Variants in ATP2B4 observed in about 807,000 individuals in gnomAD.
ATP2B4 encodes the protein plasma membrane calcium-transporting ATPase 4.
Under a neutral mutation model 110.3 loss-of-function variants are expected in ATP2B4, and 39 were observed. The ratio of observed to expected loss-of-function variants is 0.35; its 90% CI spans 0.27 to 0.46. The LOEUF (loss-of-function observed/expected upper bound fraction) is 0.46, where lower values mean the gene tolerates loss of function less well. Among genes scored for constraint, ATP2B4 ranks in the 20% least tolerant of loss-of-function variants. The pLI, the probability that ATP2B4 is intolerant of heterozygous loss-of-function variation, is 1.00. For missense variants in ATP2B4, 1,135 were observed against 1,530.9 expected (o/e 0.74, Z 4.32); for synonymous variants, 538 against 571.7 (o/e 0.94, Z 0.84).
At chr1:203,677,959 G>A (rs1051754364) in intron 1 of ATP2B4, among the ~76,000 whole-genome samples, 4 of 152,212 alleles carry the variant, frequency 2.6e-5, no homozygotes, top group Non-Finnish European at 5.9e-5. Flanking sequence ...GGACAGAGTA[G>A]GGCAGGGCAG....
intron 2 of ATP2B4, among the ~76,000 whole-genome samples, chr1:203,695,222 C>T (rs987493155): frequency 6.6e-6 from 1 of 152,214 alleles, no homozygotes; most frequent in African/African-American, 2.4e-5. Context: ...ACCAGCACTC[C>T]TGCCAGCAAG....
intron 1 of ATP2B4, among the ~76,000 whole-genome samples, chr1:203,658,126 AC>A (rs1234863002): frequency 1.3e-5 from 2 of 152,306 alleles, no homozygotes; most frequent in East Asian, 3.9e-4. Context: ...AGAAACCAAA[AC>A]AATAATAAAT....
At chr1:203,654,882 G>A (rs1207982188) in intron 1 of ATP2B4, among the ~76,000 whole-genome samples, 3 of 117,470 alleles carry the variant, frequency 2.6e-5, no homozygotes, top group Admixed American at 9.9e-5. Context: ...GTGAGACCTC[G>A]TCTGGAAAAA....
At chr1:203,654,756 G>A (rs1334104106) in intron 1 of ATP2B4, among the ~76,000 whole-genome samples, 1 of 152,114 alleles carries the variant, frequency 6.6e-6, no homozygotes, top group African/African-American at 2.4e-5. Flanking sequence ...GCATGGTGGT[G>A]TGCTCTTGTG....
At chr1:203,718,164 C>T (rs1666213590) in intron 15 of ATP2B4, among the ~76,000 whole-genome samples, 1 of 152,010 alleles carries the variant, frequency 6.6e-6, no homozygotes, top group Non-Finnish European at 1.5e-5. Flanking sequence ...TTCTGTTTTT[C>T]ATTTACTTTT....
At chr1:203,712,375 A>G (rs12407860) in intron 13 of ATP2B4, among the ~76,000 whole-genome samples, 79,809 of 151,888 alleles carry the variant, frequency 0.53, 22,329 homozygotes, top group East Asian at 0.82. Flanking sequence ...GGTGGATCAC[A>G]AGGTCAAGAG....
At chr1:203,657,418 A>G in intron 1 of ATP2B4, 3 of 766,870 alleles carry the variant, frequency 3.9e-6, no homozygotes, top group Non-Finnish European at 7.2e-6. Flanking sequence ...TTCTCTTTTC[A>G]TTTCTGTTTA....
rs767342392 is a variant in ATP2B4 at position 203,722,624 on chromosome 1, G to A, written c.2959G>A (p.Val987Ile). 2.6e-5 allele frequency: 42 copies of A among 1,614,068 alleles called. No individual in the cohort carries two copies. The Admixed American group carries it at 2.8e-4, about 11-fold the overall frequency. The change falls in exon 18 of 21, where the codon GTC becomes ATC. Residue 987 changes from valine to isoleucine, a missense_variant. This residue lies in a region of ATP2B4 where 155 missense variants were observed against 186.2 expected (regional missense o/e 0.83). Coordinates refer to ENST00000357681, the MANE Select transcript of ATP2B4 (RefSeq NM_001684.5). ...NSRKIHGEKN[V>I]FSGIYRNIIF... ...CCGAAAGATCCATGGAGAGAAGAAC[G>A]TCTTTTCAGGCATCTACCGCAACAT...
Position 203,727,730 on chromosome 1 carries a change from A to G in ATP2B4, c.3309+159A>G, listed in dbSNP as rs1007866751. ...TCCTCAGCTTCAGGACAGACACGCA[A>G]AAGGATCTGTGTGGGGTCCTCTGAG... On this transcript the variant is annotated intron_variant, in intron 20 of 20. Coordinates refer to ENST00000357681, the MANE Select transcript of ATP2B4 (RefSeq NM_001684.5). 4.7e-6 allele frequency: 4 copies of G among 852,250 alleles called. No individual in the cohort carries two copies. The African/African-American group carries it at 6.8e-5, about 15-fold the overall frequency. 52.8% of individuals were successfully genotyped at this position (852,250 alleles called of 1,614,324 possible). A position where few individuals can be genotyped will look rare whatever the true frequency, so the allele number is the denominator to read the frequency against.
chr1:203,728,351 G>T (rs561822393), intron 20 of ATP2B4: 7 of 337,196 alleles, frequency 2.1e-5, no homozygotes, highest in African/African-American at 6.5e-5. Context: ...GGGTGAATGC[G>T]CTGATCTAAG....
At chr1:203,649,158 C>G (rs79231711) in intron 1 of ATP2B4, among the ~76,000 whole-genome samples, 4,042 of 152,218 alleles carry the variant, frequency 0.027, 100 homozygotes, top group African/African-American at 0.057. Context: ...ATTCATTTCT[C>G]CAGCTCCTAT....
intron 10 of ATP2B4, 112 bp from the exon 11 acceptor site, chr1:203,709,189 A>C (rs1313040826): frequency 1.2e-4 from 163 of 1,307,452 alleles, no homozygotes; most frequent in Non-Finnish European, 1.5e-4. Flanking sequence ...TATTTCCCCT[A>C]TGAGCTCCAG....
At chr1:203,665,065 C>T (rs1664462678) in intron 1 of ATP2B4, among the ~76,000 whole-genome samples, 1 of 152,108 alleles carries the variant, frequency 6.6e-6, no homozygotes, top group Non-Finnish European at 1.5e-5. Context: ...GTGATCTGCC[C>T]ACCTCAGCCT....
Position 203,715,699 on chromosome 1 carries a change from T to C in ATP2B4, c.2406+1422T>C, listed in dbSNP as rs1014623740. Among the ~76,000 whole-genome samples the C allele has an allele frequency of 2.8e-5, 4 of 144,946 alleles. 1 individual carries two copies. The highest frequency in any genetic ancestry group is 1.0e-4 in the African/African-American group (4 of 39,700). On this transcript the variant is annotated intron_variant, in intron 15 of 20. Coordinates refer to ENST00000357681, the MANE Select transcript of ATP2B4 (RefSeq NM_001684.5). ...CATTATCTCAGAACAAAATCGATGC[T>C]TCCTTACTATCATGAAATTTCTAGT...
chr1:203,688,574 T>G (rs1665274158), intron 2 of ATP2B4, among the ~76,000 whole-genome samples: 1 of 152,110 alleles, frequency 6.6e-6, no homozygotes, highest in Non-Finnish European at 1.5e-5. Context: ...AGTGCTAGGA[T>G]TACAGGCATG....
chr1:203,722,440 C>T, intron 17 of ATP2B4, 38 bp from the exon 18 acceptor site: 1 of 1,520,932 alleles, frequency 6.6e-7, no homozygotes. Flanking sequence ...TTAGTTCAGA[C>T]CACACTTAAC....
chr1:203,679,135 A>G (rs1664919844), intron 1 of ATP2B4, among the ~76,000 whole-genome samples: 1 of 152,024 alleles, frequency 6.6e-6, no homozygotes. Context: ...AAGCCGAATG[A>G]CTAACCCTTA....
intron 1 of ATP2B4, among the ~76,000 whole-genome samples, chr1:203,670,578 T>C (rs979509050): frequency 4.6e-5 from 7 of 152,244 alleles, no homozygotes; most frequent in African/African-American, 1.7e-4. Flanking sequence ...AGTCCAGGAC[T>C]ATACCTTTTT....
Position 203,700,794 on chromosome 1 carries a change from G to A in ATP2B4, c.776-4G>A. ...TCCTTCCCATCTTCTCCTTTCCCGT[G>A]TAGGGACCCATGTCATGGAAGGTTC... On this transcript the variant is annotated splice_polypyrimidine_tract_variant and splice_region_variant and intron_variant, in intron 5 of 20. Coordinates refer to ENST00000357681, the MANE Select transcript of ATP2B4 (RefSeq NM_001684.5). 6.2e-7 allele frequency: 1 copy of A among 1,613,380 alleles called. No homozygotes were observed. Among genetic ancestry groups the A allele is most frequent in the South Asian group, 1.1e-5 (1 of 91,056 alleles).
Sources: allele counts gnomAD v4.1 joint callset (sites outside exome capture counted in the v4.1 genomes callset), GRCh38; gene constraint gnomAD v4.1.1; regional missense constraint gnomAD v4.1.1; transcripts MANE v1.5; gene names NCBI Gene and HGNC (gene_info 2026-07-23, HGNC 2026-07-21).